GAS7: variants seen among roughly 807,000 people sequenced by gnomAD.
GAS7 encodes growth arrest-specific protein 7.
Under a neutral mutation model 71.1 loss-of-function variants are expected in GAS7, and 28 were observed. That is an observed-to-expected ratio of 0.39 (90% CI 0.29 to 0.54). The LOEUF is 0.54. GAS7 is among the 20% of genes least tolerant of loss of function. GAS7 has a pLI of 0.62. For synonymous variants in GAS7, 258 were observed against 245.8 expected, an observed-to-expected ratio of 1.05 and a Z score of -0.46; for missense variants, 436 against 627.8, an observed-to-expected ratio of 0.69 and a Z score of 3.27.
intron 1 of GAS7, among the ~76,000 whole-genome samples, chr17:10,085,706 A>AAAAAAAAAGAAAGAAAG (rs1555531934): frequency 2.6e-4 from 35 of 134,882 alleles, no homozygotes; most frequent in Non-Finnish European, 4.4e-4. Flanking sequence ...AAAAAAAAAA[A>AAAAAAAAAGAAAGAAAG]AAAGAAAGAA....
At chr17:10,024,624 G>C (rs1018059371) in intron 1 of GAS7, among the ~76,000 whole-genome samples, 1 of 152,154 alleles carries the variant, frequency 6.6e-6, no homozygotes, top group African/African-American at 2.4e-5. Context: ...TCTTCCTCTG[G>C]AAGGGACCAT....
At chr17:10,046,892 G>GAAAAGAA (rs1483885006) in intron 1 of GAS7, among the ~76,000 whole-genome samples, 6 of 150,664 alleles carry the variant, frequency 4.0e-5, no homozygotes, top group African/African-American at 1.5e-4. Context: ...GAAAAGAAAA[G>GAAAAGAA]AAAAGAAAAT....
At chr17:10,101,026 C>T (rs536517835) in intron 1 of GAS7, among the ~76,000 whole-genome samples, 5 of 152,162 alleles carry the variant, frequency 3.3e-5, no homozygotes, top group South Asian at 2.1e-4. Flanking sequence ...CCCAGCTACT[C>T]GGAAGGCTGA....
In GAS7 at chr17:9,953,655, G is replaced by A. The variant is rs1253252636; in HGVS notation, c.525+5547C>T. On this transcript the variant is annotated intron_variant, in intron 5 of 13. Transcript: ENST00000432992. The stretch of plus-strand genomic sequence containing the variant: ...AAGCTATGTGATGGGCTATTTGCTC[G>A]TTCACTTTCCATTCGAACATCTGTT... Among the ~76,000 whole-genome samples, 20 of 152,238 alleles carry A rather than the reference G, an allele frequency of 1.3e-4. No homozygotes were observed. In the East Asian group the frequency reaches 1.3e-3, roughly 10 times the overall value.
At chr17:10,071,076 T>G (rs1228958952) in intron 1 of GAS7, among the ~76,000 whole-genome samples, 7 of 151,706 alleles carry the variant, frequency 4.6e-5, no homozygotes, top group Non-Finnish European at 1.0e-4. Flanking sequence ...AATCATGAAC[T>G]CAAAGGAGCC....
chr17:10,065,867 A>G (rs1317986932), intron 1 of GAS7, among the ~76,000 whole-genome samples: 2 of 152,202 alleles, frequency 1.3e-5, no homozygotes, highest in African/African-American at 2.4e-5. Context: ...TGCCAGTCAC[A>G]TAACACTGGA....
At position 9,919,569 on chromosome 17, in the gene GAS7, G is replaced by C; in HGVS notation, c.1218+57C>G. 7.9e-7 allele frequency: 1 copy of C among 1,271,064 alleles called. No homozygotes were observed. The highest frequency in any genetic ancestry group is 1.2e-6 in the Non-Finnish European group (1 of 866,354). The allele number at this position is 1,271,064 out of a possible 1,614,324, so 78.7% of individuals were successfully genotyped here. On this transcript the variant is annotated intron_variant, in intron 12 of 13. Transcript: ENST00000432992. The surrounding 1 kb of genome is among the most constrained non-coding windows in gnomAD (Gnocchi z 5.0). ...TCCCCGCGCCCACCAACAACCACCA[G>C]GGGCTGCTCTGTGTCAGCCTCTGTA... is the stretch of plus-strand genomic sequence containing the variant.
intron 1 of GAS7, among the ~76,000 whole-genome samples, chr17:10,145,348 G>A (rs2074113583): frequency 6.6e-6 from 1 of 152,258 alleles, no homozygotes; most frequent in Non-Finnish European, 1.5e-5. Flanking sequence ...TTCCTCTGGA[G>A]CAAGTCATGC....
Position 9,916,883 on chromosome 17 carries a change from C to T in GAS7, c.*345G>A. ...CAAGGGAGCCAGCTGGAGGAAGAGC[C>T]TTGGGGCTTCCAGGGCACAAGCATG... On this transcript the variant is annotated 3_prime_UTR_variant, in exon 14 of 14. Transcript: ENST00000432992. 1 of 465,570 alleles carries T rather than the reference C, an allele frequency of 2.1e-6. No individual in the cohort carries two copies. The highest frequency in any genetic ancestry group is 5.8e-5 in the South Asian group (1 of 17,142). 28.8% of individuals were successfully genotyped at this position (465,570 alleles called of 1,614,324 possible).
chr17:9,989,486 A>G (rs1360739489), intron 2 of GAS7, among the ~76,000 whole-genome samples: 1 of 152,184 alleles, frequency 6.6e-6, no homozygotes, highest in Non-Finnish European at 1.5e-5. Context: ...ATCTTTAGTT[A>G]ATTTTAGACA....
At chr17:10,101,103 A>G (rs1450287317) in intron 1 of GAS7, among the ~76,000 whole-genome samples, 3 of 93,192 alleles carry the variant, frequency 3.2e-5, no homozygotes, top group Non-Finnish European at 6.9e-5. Context: ...ACCCCATCTC[A>G]AAAACAAAAA....
At chr17:10,090,145 G>A (rs1306155047) in intron 1 of GAS7, among the ~76,000 whole-genome samples, 1 of 151,696 alleles carries the variant, frequency 6.6e-6, no homozygotes, top group Non-Finnish European at 1.5e-5. Context: ...CTACAGCCTC[G>A]GCAATAGAGA....
chr17:10,120,216 G>C (rs181869337), intron 1 of GAS7, among the ~76,000 whole-genome samples: 1 of 149,706 alleles, frequency 6.7e-6, no homozygotes, highest in East Asian at 2.0e-4. Context: ...GCTACCAACA[G>C]AAGGTACGGC....
intron 9 of GAS7, among the ~76,000 whole-genome samples, chr17:9,930,685 C>CACAGAGCAT (rs2068177577): frequency 6.6e-6 from 1 of 152,206 alleles, no homozygotes; most frequent in Non-Finnish European, 1.5e-5. Flanking sequence ...TTACCCCTGA[C>CACAGAGCAT]ACAGAGCATT....
Position 9,925,550 on chromosome 17 carries a change from T to C in GAS7, c.1064A>G (p.Gln355Arg). 1.2e-6 allele frequency: 2 copies of C among 1,614,020 alleles called. No individual in the cohort carries two copies. The highest frequency in any genetic ancestry group is 3.3e-5 in the Admixed American group (2 of 60,026). ...ERQRDLEMKT[Q>R]QLEIKLSNKT... ...GTTGCTCAGCTTGATCTCCAGCTGC[T>C]GGGTCTTCATCTCCAGGTCTCTCTG... Residue 355 changes from glutamine (Q) to arginine (R), a missense_variant, in exon 11 of 14, where the codon CAG becomes CGG. Coordinates refer to ENST00000432992, the MANE Select transcript of GAS7 (RefSeq NM_201433.2).
At chr17:10,088,883 C>A (rs1182533656) in intron 1 of GAS7, among the ~76,000 whole-genome samples, 1 of 152,058 alleles carries the variant, frequency 6.6e-6, no homozygotes, top group Non-Finnish European at 1.5e-5. Context: ...GGAGGCCGGG[C>A]ATGGTGGCTC....
intron 1 of GAS7, among the ~76,000 whole-genome samples, chr17:10,141,897 G>A (rs1229992989): frequency 1.3e-5 from 2 of 152,160 alleles, no homozygotes; most frequent in Non-Finnish European, 2.9e-5. Flanking sequence ...TGAGTCAGTA[G>A]GCACTGCCTA....
At chr17:10,023,873 C>T (rs887893692) in intron 1 of GAS7, among the ~76,000 whole-genome samples, 3 of 152,130 alleles carry the variant, frequency 2.0e-5, no homozygotes, top group Non-Finnish European at 4.4e-5. Context: ...CCTGTAATCC[C>T]AGCACTTTGG....
intron 1 of GAS7, among the ~76,000 whole-genome samples, chr17:10,109,827 G>A (rs955164067): frequency 8.6e-5 from 13 of 152,020 alleles, no homozygotes; most frequent in Admixed American, 2.0e-4. Context: ...AGGCAGAGGC[G>A]GGTGGATCAT....
Sources: gnomAD v4.1 joint callset for allele counts (sites outside exome capture counted in the v4.1 genomes callset) on GRCh38, gnomAD v4.1.1 for gene constraint, Gnocchi (gnomAD v3.1) non-coding constraint, MANE v1.5 for transcripts, NCBI Gene and HGNC (gene_info 2026-07-23, HGNC 2026-07-21) for gene names.